RAI1: variants seen among roughly 807,000 people sequenced by gnomAD.
RAI1 encodes the protein retinoic acid induced 1.
Under a neutral mutation model 123.8 loss-of-function variants are expected in RAI1, and 9 were observed. The ratio of observed to expected loss-of-function variants is 0.07; its 90% CI spans 0.04 to 0.13. RAI1 has a LOEUF of 0.13. RAI1 is among the 10% of genes least tolerant of loss of function. The pLI, the probability that RAI1 is intolerant of heterozygous loss-of-function variation, is 1.00. For synonymous variants in RAI1, 1,231 were observed against 1,127.3 expected (o/e 1.09, Z -1.84); for missense variants, 2,256 against 2,545.8 (o/e 0.89, Z 2.45).
chr17:17,721,666 G>A (rs762574864), intron 1 of RAI1, among the ~76,000 whole-genome samples: 2 of 152,318 alleles, frequency 1.3e-5, no homozygotes, highest in South Asian at 2.1e-4. Context: ...GATCCCCAGC[G>A]GGCATTTGGG....
chr17:17,711,253 A>G (rs1201301594), intron 1 of RAI1, among the ~76,000 whole-genome samples: 1 of 152,118 alleles, frequency 6.6e-6, no homozygotes, highest in Non-Finnish European at 1.5e-5. Flanking sequence ...ACAGAAACAC[A>G]CAGGCCCTGG....
chr17:17,703,251 A>G (rs954900871), intron 1 of RAI1, among the ~76,000 whole-genome samples: 2 of 152,192 alleles, frequency 1.3e-5, no homozygotes, highest in Non-Finnish European at 2.9e-5. Context: ...TGTCCAGGTC[A>G]GGGTCAGGAG....
intron 1 of RAI1, among the ~76,000 whole-genome samples, chr17:17,718,130 C>T (rs1409045803): frequency 6.6e-6 from 1 of 152,186 alleles, no homozygotes; most frequent in Non-Finnish European, 1.5e-5. Flanking sequence ...TCCCTCTCCC[C>T]TCTCCCCCTG....
At chr17:17,693,945 C>T (rs528949274) in intron 1 of RAI1, among the ~76,000 whole-genome samples, 2 of 152,216 alleles carry the variant, frequency 1.3e-5, no homozygotes, top group South Asian at 4.1e-4. Context: ...CACTTCACTC[C>T]TTAACAGATC....
At chr17:17,740,768 T>C (rs939214570) in intron 2 of RAI1, among the ~76,000 whole-genome samples, 1 of 152,158 alleles carries the variant, frequency 6.6e-6, no homozygotes, top group Non-Finnish European at 1.5e-5. Flanking sequence ...TTGACCTGCA[T>C]CCTGTTGCCC....
intron 2 of RAI1, among the ~76,000 whole-genome samples, chr17:17,743,987 G>A (rs1020080909): frequency 6.6e-6 from 1 of 152,232 alleles, no homozygotes; most frequent in African/African-American, 2.4e-5. Context: ...CTGTCTGCCC[G>A]ATTCTGGTTT....
At position 17,809,346 on chromosome 17, in the gene RAI1, G is replaced by A. The variant is rs1432698952; in HGVS notation, c.5660-44G>A. The stretch of plus-strand genomic sequence containing the variant: ...GCAGACAAAACCCCACAGCTGTGGG[G>A]CCCCCACCCTGTCCTAACCACCGAA... On this transcript the variant is annotated intron_variant, in intron 4 of 5. Coordinates refer to ENST00000353383, the MANE Select transcript of RAI1 (RefSeq NM_030665.4). This position sits in a 1 kb window ranked among gnomAD's most constrained non-coding sequence, Gnocchi z 4.9. 7 of 1,556,362 alleles carry A rather than the reference G, an allele frequency of 4.5e-6. No individual in the cohort carries two copies. In the African/African-American group the frequency reaches 9.5e-5, roughly 21 times the overall value.
At chr17:17,802,821 C>T (rs1411302459) in intron 3 of RAI1, among the ~76,000 whole-genome samples, 1 of 152,070 alleles carries the variant, frequency 6.6e-6, no homozygotes, top group Admixed American at 6.6e-5. Context: ...CTATGTCTTA[C>T]ACCTGTAATC....
At chr17:17,750,689 C>CAAAAAAAAA (rs57637022) in intron 2 of RAI1, among the ~76,000 whole-genome samples, 4 of 79,776 alleles carry the variant, frequency 5.0e-5, no homozygotes, top group Non-Finnish European at 6.9e-5. Context: ...TACTCCGTCT[C>CAAAAAAAAA]AAAAAAAAAA....
chr17:17,785,697 C>T (rs1276839021), intron 2 of RAI1, among the ~76,000 whole-genome samples: 1 of 152,178 alleles, frequency 6.6e-6, no homozygotes, highest in Non-Finnish European at 1.5e-5. Flanking sequence ...CCGCTGAGTG[C>T]ACCTCCTGCA....
At chr17:17,731,967 A>G (rs944280335) in intron 2 of RAI1, among the ~76,000 whole-genome samples, 5 of 152,024 alleles carry the variant, frequency 3.3e-5, no homozygotes, top group African/African-American at 1.2e-4. Context: ...GAGCCTTGGC[A>G]CAGGCTGGAG....
At chr17:17,805,107 C>A (rs1051316446) in intron 4 of RAI1, among the ~76,000 whole-genome samples, 5 of 152,118 alleles carry the variant, frequency 3.3e-5, no homozygotes, top group Non-Finnish European at 7.3e-5. Flanking sequence ...GTGATCCGCC[C>A]GCCTCAGCTG....
intron 2 of RAI1, among the ~76,000 whole-genome samples, chr17:17,781,815 G>C (rs960128940): frequency 2.0e-5 from 3 of 152,240 alleles, no homozygotes; most frequent in Non-Finnish European, 2.9e-5. Context: ...TGGAAATGGG[G>C]GGCGGGGGCA....
chr17:17,710,550 G>A (rs1353849645), intron 1 of RAI1, among the ~76,000 whole-genome samples: 2 of 152,238 alleles, frequency 1.3e-5, no homozygotes, highest in African/African-American at 2.4e-5. Context: ...CTGGGGAAAT[G>A]GCAGCACAGT....
chr17:17,681,958 G>A (rs1914434243), intron 1 of RAI1, among the ~76,000 whole-genome samples, 165 bp downstream of exon 1: 1 of 151,460 alleles, frequency 6.6e-6, no homozygotes, highest in Non-Finnish European at 1.5e-5. Context: ...CTTGCTTTGT[G>A]TGGTGTGGGG....
chr17:17,761,985 T>C (rs1179008023), intron 2 of RAI1, among the ~76,000 whole-genome samples: 1 of 152,090 alleles, frequency 6.6e-6, no homozygotes, highest in Non-Finnish European at 1.5e-5. Context: ...CAGAAGTTCC[T>C]GAGTGTGAGC....
Position 17,751,824 on chromosome 17 carries a change from G to A in RAI1, c.-17+27665G>A, listed in dbSNP as rs573527880. 7.2e-4 allele frequency among the ~76,000 whole-genome samples: 110 copies of A among 152,230 alleles called. 1 individual carries two copies. The highest frequency in any genetic ancestry group is 3.4e-3 in the Middle Eastern group (1 of 294). ...GAACCTAGTACCCGTTCCCCTTAGC[G>A]AATGTTTCCCCCAGAGCACTCAGTC... On this transcript the variant is annotated intron_variant, in intron 2 of 5. Transcript: ENST00000353383.
rs780930410 is a variant in RAI1, at chr17:17,797,159, C to T, written c.4211C>T (p.Thr1404Ile). ...SGADPLCRNP[T>I]NRSLKGKLMN... ...GCTGATCCGTTATGCAGAAATCCAA[C>T]CAACAGATCCTTAAAAGGCAAACTC... Residue 1404 changes from threonine (T) to isoleucine (I), a missense_variant, in exon 3 of 6, where the codon ACC becomes ATC. Thr to Ile is a moderately conservative substitution (Grantham distance 89, BLOSUM62 -1). Coordinates refer to ENST00000353383, the MANE Select transcript of RAI1 (RefSeq NM_030665.4). The T allele has an allele frequency of 6.2e-7, 1 of 1,614,028 alleles. No homozygotes were observed. The highest frequency in any genetic ancestry group is 1.3e-5 in the African/African-American group (1 of 75,070).
At position 17,796,326 on chromosome 17, in the gene RAI1, C is replaced by T; in HGVS notation, c.3378C>T (p.Ser1126=). 6.2e-7 allele frequency: 1 copy of T among 1,613,070 alleles called. No individual in the cohort carries two copies. The highest frequency in any genetic ancestry group is 1.3e-5 in the African/African-American group (1 of 75,056). The change falls in exon 3 of 6, where the codon TCC becomes TCT. Residue 1126 remains serine, a synonymous_variant. Coordinates refer to ENST00000353383, the MANE Select transcript of RAI1 (RefSeq NM_030665.4). This position sits in a 1 kb window ranked among gnomAD's most constrained non-coding sequence, Gnocchi z 5.8. ...PVASDSSPMG[S]KTKETDSPST... ...CCTCCGACAGCAGCCCGATGGGCTC[C>T]AAGACCAAGGAGACAGACTCACCCA... is the stretch of plus-strand genomic sequence containing the variant.
Sources: allele counts gnomAD v4.1 joint callset (sites outside exome capture counted in the v4.1 genomes callset), GRCh38; gene constraint gnomAD v4.1.1; non-coding constraint Gnocchi (gnomAD v3.1); transcripts MANE v1.5; gene names NCBI Gene and HGNC (gene_info 2026-07-23, HGNC 2026-07-21).